The following OXR1 variants were observed in gnomAD, a reference collection of about 807,000 sequenced individuals.
OXR1 encodes oxidation resistance protein 1.
In OXR1, 41 loss-of-function variants were observed where a neutral mutation model predicts 104.6. The ratio of observed to expected loss-of-function variants is 0.39; its 90% CI spans 0.31 to 0.51. The LOEUF (loss-of-function observed/expected upper bound fraction) is 0.51. Among genes scored for constraint, OXR1 ranks in the 20% least tolerant of loss-of-function variants. OXR1 has a pLI of 0.77. For synonymous variants in OXR1, 348 were observed against 348.4 expected, an observed-to-expected ratio of 1.00 and a Z score of 0.01; for missense variants, 955 against 1,031.9, an observed-to-expected ratio of 0.93 and a Z score of 1.02.
intron 3 of OXR1, among the ~76,000 whole-genome samples, chr8:106,577,476 G>A (rs1251784130): frequency 1.6e-5 from 2 of 127,472 alleles, no homozygotes; most frequent in African/African-American, 3.0e-5. Context: ...TGCAAACTCC[G>A]CCTCCCGGGT....
At chr8:106,530,563 A>G (rs1814019787) in intron 3 of OXR1, among the ~76,000 whole-genome samples, 2 of 152,248 alleles carry the variant, frequency 1.3e-5, no homozygotes, top group Admixed American at 6.5e-5. Flanking sequence ...GAGAATGGAA[A>G]AATAGGTAAA....
At chr8:106,703,229 A>G (rs1433904231) in intron 8 of OXR1, 139 bp downstream of exon 8, 13 of 568,008 alleles carry the variant, frequency 2.3e-5, no homozygotes, top group Non-Finnish European at 3.7e-5. Flanking sequence ...TATATGCATT[A>G]TTGAGAAGAT....
At chr8:106,400,956 T>C (rs1817974264) in intron 2 of OXR1, among the ~76,000 whole-genome samples, 1 of 152,228 alleles carries the variant, frequency 6.6e-6, no homozygotes, top group Non-Finnish European at 1.5e-5. Context: ...GTACATATTA[T>C]GGTGAAGAGT....
chr8:106,497,211 A>C (rs565145139), intron 2 of OXR1, among the ~76,000 whole-genome samples: 4 of 152,334 alleles, frequency 2.6e-5, no homozygotes, highest in African/African-American at 9.6e-5. Context: ...GGAGGATTTC[A>C]TAAATGCTTG....
chr8:106,434,291 T>A (rs1243736230), intron 2 of OXR1, among the ~76,000 whole-genome samples: 1 of 152,188 alleles, frequency 6.6e-6, no homozygotes, highest in African/African-American at 2.4e-5. Context: ...TTCCACTAAA[T>A]CATAGAGAAA....
chr8:106,382,517 C>A (rs1037576548), intron 2 of OXR1, among the ~76,000 whole-genome samples: 1 of 152,000 alleles, frequency 6.6e-6, no homozygotes, highest in African/African-American at 2.4e-5. Context: ...CAGTCACAGG[C>A]CTTCTGAACA....
intron 11 of OXR1, among the ~76,000 whole-genome samples, chr8:106,728,355 A>G (rs945531917): frequency 1.3e-5 from 2 of 152,032 alleles, no homozygotes; most frequent in Admixed American, 6.6e-5. Context: ...TGGCCATATT[A>G]TTACTACCTC....
At chr8:106,518,261 C>T (rs1812998355) in intron 2 of OXR1, among the ~76,000 whole-genome samples, 2 of 152,134 alleles carry the variant, frequency 1.3e-5, no homozygotes, top group African/African-American at 4.8e-5. Context: ...GTAAATTGGA[C>T]TTAGGGTTTA....
chr8:106,322,140 G>A (rs1165294571), intron 1 of OXR1, among the ~76,000 whole-genome samples: 1 of 152,060 alleles, frequency 6.6e-6, no homozygotes, highest in Non-Finnish European at 1.5e-5. Context: ...TTGAAAAGAA[G>A]GTTCTTCAGC....
At chr8:106,666,082 G>A (rs537981043) in intron 3 of OXR1, among the ~76,000 whole-genome samples, 3 of 152,252 alleles carry the variant, frequency 2.0e-5, no homozygotes, top group African/African-American at 7.2e-5. Flanking sequence ...CTTTAATGTA[G>A]TTCAATGGTG....
At chr8:106,424,957 G>A (rs909598565) in intron 2 of OXR1, among the ~76,000 whole-genome samples, 4 of 151,128 alleles carry the variant, frequency 2.6e-5, no homozygotes, top group African/African-American at 9.7e-5. Context: ...AGCGTATTTT[G>A]AACTATTGCT....
chr8:106,544,362 T>C (rs1187764577), intron 3 of OXR1, among the ~76,000 whole-genome samples: 1 of 152,208 alleles, frequency 6.6e-6, no homozygotes, highest in Non-Finnish European at 1.5e-5. Context: ...GCATTTTTGT[T>C]AGAAAGTTTG....
chr8:106,578,016 T>A (rs1817978268), intron 3 of OXR1, among the ~76,000 whole-genome samples: 1 of 152,152 alleles, frequency 6.6e-6, no homozygotes, highest in South Asian at 2.1e-4. Flanking sequence ...CCGGTGCCCC[T>A]TTGTAGAAAT....
intron 3 of OXR1, among the ~76,000 whole-genome samples, chr8:106,628,765 T>C (rs536843409): frequency 2.6e-5 from 4 of 152,212 alleles, no homozygotes; most frequent in African/African-American, 9.6e-5. Context: ...GTATATCTAA[T>C]GCCTCTGATC....
At chr8:106,605,617 A>C (rs1386593114) in intron 3 of OXR1, among the ~76,000 whole-genome samples, 1 of 145,784 alleles carries the variant, frequency 6.9e-6, no homozygotes, top group African/African-American at 2.6e-5. Context: ...CAATATGGTG[A>C]AACCCCGTCT....
At chr8:106,489,433 C>T (rs1340223145) in intron 2 of OXR1, among the ~76,000 whole-genome samples, 5 of 152,110 alleles carry the variant, frequency 3.3e-5, no homozygotes, top group Admixed American at 6.5e-5. Flanking sequence ...TGTAAGTTTT[C>T]CCAGGAGATA....
At position 106,488,157 on chromosome 8, in the gene OXR1, A is replaced by G. The variant is rs1375911038; in HGVS notation, c.24-30786A>G. ...GTATCTCATTGTGGTTTTGATTTGC[A>G]TTTCTCTGATGGCCAGTGATGATGA... On this transcript the variant is annotated intron_variant, in intron 2 of 16. Coordinates refer to ENST00000517566, the MANE Select transcript of OXR1 (RefSeq NM_001198533.2). Among the ~76,000 whole-genome samples the G allele has an allele frequency of 3.5e-5, 5 of 143,948 alleles. No homozygotes were observed. In the Admixed American group the frequency reaches 3.5e-4, roughly 10 times the overall value. The allele number at this position is 143,948 out of a possible 152,430, so 94.4% of individuals were successfully genotyped here.
intron 1 of OXR1, among the ~76,000 whole-genome samples, chr8:106,336,321 G>A (rs910640867): frequency 2.6e-5 from 4 of 152,160 alleles, no homozygotes; most frequent in African/African-American, 7.2e-5. Flanking sequence ...GTGTGGTTTA[G>A]GGAAAGGCAG....
At chr8:106,641,906 A>G (rs3132801) in intron 3 of OXR1, among the ~76,000 whole-genome samples, 91,363 of 151,854 alleles carry the variant, frequency 0.6, 28,623 homozygotes, top group African/African-American at 0.79. Context: ...TTGTTTAACA[A>G]TTTATTAAAA....
Sources: allele counts gnomAD v4.1 joint callset (sites outside exome capture counted in the v4.1 genomes callset), GRCh38; gene constraint gnomAD v4.1.1; transcripts MANE v1.5; gene names NCBI Gene and HGNC (gene_info 2026-07-23, HGNC 2026-07-21).